Variants in CAMKMT observed in about 807,000 individuals in gnomAD.
CAMKMT encodes calmodulin-lysine N-methyltransferase.
Under a neutral mutation model 48.0 loss-of-function variants are expected in CAMKMT, and 53 were observed. That is an observed-to-expected ratio of 1.10 (90% CI 0.89 to 1.39). The LOEUF (loss-of-function observed/expected upper bound fraction) is 1.39. CAMKMT is among the 40% of genes most tolerant of loss of function. The probability of loss-of-function intolerance (pLI) is 0.00; values close to 1 mark genes in which losing one functional copy is unlikely to be tolerated. For synonymous variants in CAMKMT, 165 were observed against 152.3 expected, an observed-to-expected ratio of 1.08 and a Z score of -0.61; for missense variants, 428 against 402.7, an observed-to-expected ratio of 1.06 and a Z score of -0.54.
intron 3 of CAMKMT, among the ~76,000 whole-genome samples, chr2:44,440,856 G>A (rs1666612391): frequency 6.6e-6 from 1 of 151,964 alleles, no homozygotes; most frequent in Non-Finnish European, 1.5e-5. Context: ...TTAATATCAT[G>A]GTATTATTTT....
At chr2:44,743,084 A>G (rs1012931821) in intron 7 of CAMKMT, among the ~76,000 whole-genome samples, 3 of 152,320 alleles carry the variant, frequency 2.0e-5, no homozygotes, top group Middle Eastern at 3.4e-3. Context: ...TTGGGAGACT[A>G]AGTGTCAGTG....
chr2:44,656,355 CTTTT>C (rs200975524), intron 3 of CAMKMT, among the ~76,000 whole-genome samples: 1 of 148,282 alleles, frequency 6.7e-6, no homozygotes, highest in Non-Finnish European at 1.5e-5. Flanking sequence ...GAATTTTTTT[CTTTT>C]TTTTTTAAAA....
At chr2:44,529,304 A>C (rs1381141425) in intron 3 of CAMKMT, among the ~76,000 whole-genome samples, 1 of 152,146 alleles carries the variant, frequency 6.6e-6, no homozygotes, top group African/African-American at 2.4e-5. Flanking sequence ...ATCACCATAA[A>C]ATTTAAAAAT....
At chr2:44,627,702 T>G (rs1481560428) in intron 3 of CAMKMT, among the ~76,000 whole-genome samples, 1 of 82,046 alleles carries the variant, frequency 1.2e-5, no homozygotes, top group Admixed American at 1.2e-4. Flanking sequence ...TTATCCTTTT[T>G]TTTTTTTTTT....
intron 3 of CAMKMT, among the ~76,000 whole-genome samples, chr2:44,644,943 T>A (rs773663918): frequency 2.0e-5 from 3 of 152,222 alleles, no homozygotes; most frequent in Non-Finnish European, 2.9e-5. Context: ...AAGCAAGAGT[T>A]CTGTCGTTCT....
At position 44,620,297 on chromosome 2, in the gene CAMKMT, G is replaced by C. The variant is rs1672107107; in HGVS notation, c.377-83986G>C. On this transcript the variant is annotated intron_variant, in intron 3 of 10. Coordinates refer to ENST00000378494, the MANE Select transcript of CAMKMT (RefSeq NM_024766.5). ...TTTTTTTTAAACTCCTTTTCGTCTT[G>C]CCCAGCCAGGACCGTACTGTTGGAC... Among the ~76,000 whole-genome samples the C allele has an allele frequency of 1.3e-5, 2 of 149,692 alleles. 1 individual carries two copies. The highest frequency in any genetic ancestry group is 1.3e-4 in the Admixed American group (2 of 15,068).
chr2:44,698,390 C>T (rs1448728567), intron 3 of CAMKMT, among the ~76,000 whole-genome samples: 2 of 152,174 alleles, frequency 1.3e-5, no homozygotes, highest in Non-Finnish European at 2.9e-5. Context: ...TCAGTACAGG[C>T]ATACCTTGGA....
At chr2:44,550,992 G>C (rs112790328) in intron 3 of CAMKMT, among the ~76,000 whole-genome samples, 1 of 152,144 alleles carries the variant, frequency 6.6e-6, no homozygotes, top group Non-Finnish European at 1.5e-5. Context: ...CAACTTGCAA[G>C]ACCTGGAAAC....
intron 3 of CAMKMT, among the ~76,000 whole-genome samples, chr2:44,463,872 G>A (rs1667972684): frequency 1.3e-5 from 2 of 152,206 alleles, no homozygotes; most frequent in South Asian, 4.1e-4. Flanking sequence ...AAGCCAGTAT[G>A]TAAAGATTGG....
chr2:44,766,641 C>T (rs1236558235), intron 10 of CAMKMT, 80 bp downstream of exon 10: 1 of 1,507,454 alleles, frequency 6.6e-7, no homozygotes, highest in East Asian at 2.3e-5. Context: ...GGCAGGTAAC[C>T]TAAATATTTG....
At chr2:44,700,337 T>C (rs1677192350) in intron 3 of CAMKMT, among the ~76,000 whole-genome samples, 1 of 152,240 alleles carries the variant, frequency 6.6e-6, no homozygotes, top group Non-Finnish European at 1.5e-5. Context: ...AGTAACACTT[T>C]TAAGTTCCTT....
chr2:44,536,269 A>G (rs933011929), intron 3 of CAMKMT, among the ~76,000 whole-genome samples: 1 of 152,140 alleles, frequency 6.6e-6, no homozygotes. Flanking sequence ...TATTGTTAAA[A>G]TGACCATACT....
Position 44,543,164 on chromosome 2 carries a change from C to A in CAMKMT, c.376+152859C>A, listed in dbSNP as rs571306923. 2.0e-5 allele frequency among the ~76,000 whole-genome samples: 3 copies of A among 152,194 alleles called. No homozygotes were observed. The South Asian group carries it at 6.2e-4, about 32-fold the overall frequency. On this transcript the variant is annotated intron_variant, in intron 3 of 10. Transcript: ENST00000378494. ...TGAAGCAACTGGGGCACACTTTCTC[C>A]CAATTAAAGAGAAATCTCATTACTT... is the stretch of plus-strand genomic sequence containing the variant.
At chr2:44,544,431 G>T (rs1357253128) in intron 3 of CAMKMT, among the ~76,000 whole-genome samples, 2 of 152,148 alleles carry the variant, frequency 1.3e-5, no homozygotes, top group Admixed American at 6.5e-5. Flanking sequence ...ATTAAGCCAG[G>T]CCATTGTCTT....
rs377191108 is a variant in CAMKMT, at chr2:44,586,066, A to T, written c.377-118217A>T. The stretch of plus-strand genomic sequence containing the variant: ...CTTTAAAGTTCAGACTAGAGAAGAG[A>T]GACCACTCTTCAAATCGTACAGAGG... On this transcript the variant is annotated intron_variant, in intron 3 of 10. Coordinates refer to ENST00000378494, the MANE Select transcript of CAMKMT (RefSeq NM_024766.5). Among the ~76,000 whole-genome samples, 10 of 152,202 alleles carry T rather than the reference A, an allele frequency of 6.6e-5. No homozygotes were observed. In the East Asian group the frequency reaches 1.5e-3, roughly 23 times the overall value.
At chr2:44,399,431 C>T (rs1341163058) in intron 3 of CAMKMT, among the ~76,000 whole-genome samples, 2 of 151,956 alleles carry the variant, frequency 1.3e-5, no homozygotes, top group East Asian at 3.9e-4. Context: ...TTGTGCCTAT[C>T]CTCTGAATTT....
intron 3 of CAMKMT, among the ~76,000 whole-genome samples, chr2:44,521,330 G>A (rs906330894): frequency 6.6e-6 from 1 of 151,602 alleles, no homozygotes; most frequent in African/African-American, 2.4e-5. Context: ...CCAGGCTGGA[G>A]TGCAGTGGCA....
At chr2:44,411,015 T>G (rs1683167180) in intron 3 of CAMKMT, among the ~76,000 whole-genome samples, 1 of 152,250 alleles carries the variant, frequency 6.6e-6, no homozygotes, top group Non-Finnish European at 1.5e-5. Context: ...AAAGGAAATG[T>G]AATCTTTTGA....
chr2:44,572,749 G>A (rs1283460425), intron 3 of CAMKMT, among the ~76,000 whole-genome samples: 4 of 152,166 alleles, frequency 2.6e-5, no homozygotes, highest in Admixed American at 6.5e-5. Flanking sequence ...GGACACAGGT[G>A]TACACATGTC....
Sources: gnomAD v4.1 joint callset for allele counts (sites outside exome capture counted in the v4.1 genomes callset) on GRCh38, gnomAD v4.1.1 for gene constraint, MANE v1.5 for transcripts, NCBI Gene and HGNC (gene_info 2026-07-23, HGNC 2026-07-21) for gene names.